Variants in RBFOX1 observed in about 807,000 individuals in gnomAD.
The protein encoded by RBFOX1 is RNA binding fox-1 homolog 1, also known as RNA binding protein fox-1 homolog 1.
Under a neutral mutation model 57.7 loss-of-function variants are expected in RBFOX1, and 8 were observed. The observed-to-expected ratio is 0.14, with a 90% CI of 0.08 to 0.25. The LOEUF is 0.25. RBFOX1 is among the 10% of genes least tolerant of loss of function. The pLI, the probability that RBFOX1 is intolerant of heterozygous loss-of-function variation, is 1.00. For missense variants in RBFOX1, 611 were observed against 548.5 expected (o/e 1.11, Z -1.14); for synonymous variants, 326 against 222.4 (o/e 1.47, Z -4.15).
At chr16:7,484,692 G>C (rs979422028) in intron 4 of RBFOX1, among the ~76,000 whole-genome samples, 2 of 152,166 alleles carry the variant, frequency 1.3e-5, no homozygotes, top group Admixed American at 6.5e-5. Context: ...TTGAACTCCT[G>C]GCCTCAGGTG....
At chr16:5,887,869 A>C (rs2151928917) in intron 4 of RBFOX1, among the ~76,000 whole-genome samples, 1 of 152,352 alleles carries the variant, frequency 6.6e-6, no homozygotes, top group Non-Finnish European at 1.5e-5. Context: ...CTGCTGAGTT[A>C]CAGCAAAATT....
chr16:6,322,993 T>G (rs2081986533), intron 2 of RBFOX1, among the ~76,000 whole-genome samples: 1 of 152,150 alleles, frequency 6.6e-6, no homozygotes, highest in South Asian at 2.1e-4. Context: ...GAATATCTCT[T>G]ACCTCTCCTA....
At chr16:5,876,144 A>G (rs1348614687) in intron 4 of RBFOX1, among the ~76,000 whole-genome samples, 1 of 152,104 alleles carries the variant, frequency 6.6e-6, no homozygotes, top group Non-Finnish European at 1.5e-5. Context: ...CGCCCGGCCT[A>G]TCCCACAATT....
At chr16:6,914,383 G>T (rs1328929280) in intron 3 of RBFOX1, among the ~76,000 whole-genome samples, 1 of 152,068 alleles carries the variant, frequency 6.6e-6, no homozygotes, top group Non-Finnish European at 1.5e-5. Flanking sequence ...TACTTTTCAT[G>T]ATTCAGAATC....
In RBFOX1 at chr16:5,814,571, G is replaced by A. The variant is rs956938106; in HGVS notation, c.319-52732G>A. On this transcript the variant is annotated intron_variant, in intron 3 of 19. Coordinates refer to the RBFOX1 transcript ENST00000641259. ...ACACAACTTGCCCAAGGTCATGAAAGTAGTCAGCGGTAGAGAGCCTATCTT... is the reference window on the plus strand; with the variant it reads ...ACACAACTTGCCCAAGGTCATGAAAATAGTCAGCGGTAGAGAGCCTATCTT... Among the ~76,000 whole-genome samples the A allele has an allele frequency of 3.3e-5, 5 of 152,336 alleles. No homozygotes were observed. In the South Asian group the frequency reaches 6.2e-4, roughly 19 times the overall value.
At chr16:6,524,746 G>C (rs754286062) in intron 2 of RBFOX1, among the ~76,000 whole-genome samples, 1 of 152,142 alleles carries the variant, frequency 6.6e-6, no homozygotes, top group Non-Finnish European at 1.5e-5. Context: ...CTTGTCCACA[G>C]CCTCCGTTGG....
intron 3 of RBFOX1, among the ~76,000 whole-genome samples, chr16:6,853,893 A>G (rs886141758): frequency 1.3e-5 from 2 of 152,178 alleles, no homozygotes; most frequent in African/African-American, 2.4e-5. Context: ...GCCAGGATCT[A>G]TATGATTTAT....
chr16:6,652,008 G>A (rs1309322789), intron 2 of RBFOX1, among the ~76,000 whole-genome samples: 1 of 152,212 alleles, frequency 6.6e-6, no homozygotes, highest in African/African-American at 2.4e-5. Flanking sequence ...CAAGTGTTAA[G>A]TCCTCAATTG....
At chr16:6,209,618 C>G (rs979876247) in intron 1 of RBFOX1, among the ~76,000 whole-genome samples, 2 of 152,242 alleles carry the variant, frequency 1.3e-5, no homozygotes, top group Non-Finnish European at 2.9e-5. Context: ...CCACCATCCT[C>G]CTGCCCTAAA....
At chr16:7,561,773 A>G (rs534062218) in intron 5 of RBFOX1, among the ~76,000 whole-genome samples, 1 of 152,188 alleles carries the variant, frequency 6.6e-6, no homozygotes, top group Admixed American at 6.5e-5. Flanking sequence ...TTCATCACCC[A>G]TTTTCTGCAA....
intron 2 of RBFOX1, among the ~76,000 whole-genome samples, chr16:6,501,997 G>T (rs544294254): frequency 6.6e-6 from 1 of 152,140 alleles, no homozygotes; most frequent in Non-Finnish European, 1.5e-5. Flanking sequence ...TCTAGGGATC[G>T]TGTGTCCTTG....
intron 4 of RBFOX1, among the ~76,000 whole-genome samples, chr16:7,452,856 C>T (rs1349572629): frequency 6.6e-6 from 1 of 152,110 alleles, no homozygotes; most frequent in Non-Finnish European, 1.5e-5. Flanking sequence ...AGGCCAGGCA[C>T]AGTGGCTCAT....
intron 4 of RBFOX1, among the ~76,000 whole-genome samples, chr16:7,341,224 C>G (rs1336317820): frequency 6.6e-6 from 1 of 152,126 alleles, no homozygotes; most frequent in Non-Finnish European, 1.5e-5. Context: ...AAGAGATGCC[C>G]AGAAACATTG....
chr16:5,262,574 C>T (rs141484001), intron 1 of RBFOX1, among the ~76,000 whole-genome samples: 2,409 of 152,306 alleles, frequency 0.016, 109 homozygotes, highest in Admixed American at 0.093. Flanking sequence ...CCTTAGCCTC[C>T]ATAACCATGT....
At chr16:7,171,710 T>C (rs1192697134) in intron 4 of RBFOX1, among the ~76,000 whole-genome samples, 1 of 152,216 alleles carries the variant, frequency 6.6e-6, no homozygotes, top group Non-Finnish European at 1.5e-5. Flanking sequence ...TGAGCTTGTG[T>C]TTTCTGAACA....
At chr16:5,494,179 A>C (rs375362923) in intron 2 of RBFOX1, among the ~76,000 whole-genome samples, 1 of 152,280 alleles carries the variant, frequency 6.6e-6, no homozygotes, top group East Asian at 1.9e-4. Context: ...CTGAATTCTT[A>C]ATATGCCTTC....
chr16:7,649,521 GT>G (rs2144387943), intron 11 of RBFOX1, among the ~76,000 whole-genome samples: 1 of 152,076 alleles, frequency 6.6e-6, no homozygotes, highest in Admixed American at 6.5e-5. Flanking sequence ...TGGAGTCGCT[GT>G]GGTTCGAACA....
At chr16:7,611,602 T>C (rs2057482584) in intron 10 of RBFOX1, among the ~76,000 whole-genome samples, 2 of 151,076 alleles carry the variant, frequency 1.3e-5, no homozygotes, top group African/African-American at 4.9e-5. Context: ...AAAGGCAAGT[T>C]ATTGATTTTT....
intron 2 of RBFOX1, among the ~76,000 whole-genome samples, chr16:5,502,334 T>G (rs958179278): frequency 2.0e-5 from 3 of 151,988 alleles, no homozygotes; most frequent in African/African-American, 7.2e-5. Flanking sequence ...TGTGTCCCAG[T>G]GGATGGGGAC....
Sources: allele counts gnomAD v4.1 joint callset (sites outside exome capture counted in the v4.1 genomes callset), GRCh38; gene constraint gnomAD v4.1.1; transcripts MANE v1.5; gene names NCBI Gene and HGNC (gene_info 2026-07-23, HGNC 2026-07-21).